Variants in ADGRA2 observed in about 807,000 individuals in gnomAD.
The protein encoded by ADGRA2 is G-protein coupled receptor 124.
Under a neutral mutation model 98.7 loss-of-function variants are expected in ADGRA2, and 61 were observed. The ratio of observed to expected loss-of-function variants is 0.62; its 90% CI spans 0.50 to 0.76. ADGRA2 has a LOEUF of 0.76. ADGRA2 is among the 30% of genes least tolerant of loss of function. The pLI, the probability that ADGRA2 is intolerant of heterozygous loss-of-function variation, is 0.00. For missense variants in ADGRA2, 1,712 were observed against 1,860.0 expected, an observed-to-expected ratio of 0.92 and a Z score of 1.46; for synonymous variants, 858 against 831.5, an observed-to-expected ratio of 1.03 and a Z score of -0.55.
At chr8:37,815,572 G>A (rs1370716671) in intron 2 of ADGRA2, among the ~76,000 whole-genome samples, 1 of 152,246 alleles carries the variant, frequency 6.6e-6, no homozygotes, top group Non-Finnish European at 1.5e-5. Flanking sequence ...TGGGGCCCCT[G>A]CATCTGGTGG....
At chr8:37,812,361 C>G (rs906064450) in intron 1 of ADGRA2, among the ~76,000 whole-genome samples, 2 of 152,112 alleles carry the variant, frequency 1.3e-5, no homozygotes, top group East Asian at 1.9e-4. Context: ...GGCGCGGTGG[C>G]TCACGCCTGT....
At chr8:37,838,657 A>T (rs189731967) in intron 14 of ADGRA2, among the ~76,000 whole-genome samples, 2 of 150,330 alleles carry the variant, frequency 1.3e-5, no homozygotes, top group African/African-American at 4.9e-5. Context: ...CCAGTCCTGC[A>T]GGCCTGCTGC....
At chr8:37,838,250 AT>A (rs11335728) in intron 14 of ADGRA2, among the ~76,000 whole-genome samples, 92,611 of 129,254 alleles carry the variant, frequency 0.72, 33,310 homozygotes, top group East Asian at 0.87. Context: ...CTGAGACCAG[AT>A]TTTTTTTTTT....
At chr8:37,838,771 G>A (rs1467683464) in intron 14 of ADGRA2, among the ~76,000 whole-genome samples, 185 bp from the exon 15 acceptor site, 1 of 152,134 alleles carries the variant, frequency 6.6e-6, no homozygotes, top group African/African-American at 2.4e-5. Flanking sequence ...GGAAGGGGCT[G>A]CAGTAGCTGG....
At chr8:37,824,230 C>T (rs1326926694) in intron 2 of ADGRA2, among the ~76,000 whole-genome samples, 1 of 151,932 alleles carries the variant, frequency 6.6e-6, no homozygotes, top group Admixed American at 6.6e-5. Flanking sequence ...TGGGTTTCAC[C>T]ATGTTAGTCA....
At chr8:37,833,655 C>A in intron 9 of ADGRA2, 33 bp from the exon 10 acceptor site, 2 of 1,609,554 alleles carry the variant, frequency 1.2e-6, no homozygotes, top group Non-Finnish European at 1.7e-6. Flanking sequence ...AAGGAACAGG[C>A]GAGATGATCC....
chr8:37,831,493 G>A lies in ADGRA2; in HGVS notation c.1003G>A (p.Gly335Ser). 1 of 1,613,874 alleles carries A rather than the reference G, an allele frequency of 6.2e-7. No individual in the cohort carries two copies. Among genetic ancestry groups the A allele is most frequent in the East Asian group, 2.2e-5 (1 of 44,880 alleles). Reference sequence around the variant, plus strand: ...GGAGTGCACCGTGTCCATGGCCCAAGGCAACGCCAGCAAGAAGGTGGAGAT... The same window carrying A: ...GGAGTGCACCGTGTCCATGGCCCAAAGCAACGCCAGCAAGAAGGTGGAGAT... ...EWECTVSMAQ[G>S]NASKKVEIVV... The change falls in exon 8 of 19, where the codon GGC becomes AGC. Residue 335 changes from glycine to serine, a missense_variant. By Grantham distance (56) the Gly-to-Ser change is moderately conservative. Transcript: ENST00000412232.
chr8:37,826,158 C>T (rs1805274541), intron 2 of ADGRA2, among the ~76,000 whole-genome samples: 2 of 152,198 alleles, frequency 1.3e-5, no homozygotes, highest in Non-Finnish European at 2.9e-5. Context: ...GCCTAAGCCC[C>T]TTGGCAGCCC....
chr8:37,828,888 G>C lies in ADGRA2; in HGVS notation c.339G>C (p.Leu113=), dbSNP rs1449093152. ...AGGGCCTCTGCACTTGCCTCTGCAG[G>C]GACCTGAGGAACAACATCATCAGCA... ...SFLGLSLLEK[L]DLRNNIISTV... The change falls in exon 3 of 19, where the codon CTG becomes CTC. Residue 113 remains leucine (L), a splice_region_variant and synonymous_variant. Transcript: ENST00000412232. 3.1e-6 allele frequency: 5 copies of C among 1,598,700 alleles called. No homozygotes were observed. Among genetic ancestry groups the C allele is most frequent in the Non-Finnish European group, 8.5e-7 (1 of 1,173,646 alleles).
chr8:37,842,007 C>T lies in ADGRA2; in HGVS notation c.3669C>T (p.His1223=), dbSNP rs1236535794. 2 of 1,518,524 alleles carry T rather than the reference C, an allele frequency of 1.3e-6. No individual in the cohort carries two copies. Among genetic ancestry groups the T allele is most frequent in the Admixed American group, 2.0e-5 (1 of 49,038 alleles). The allele number at this position is 1,518,524 out of a possible 1,614,324, so 94.1% of individuals were successfully genotyped here. ...TGTCCAGCGAGAGCGGCAGTCTGCA[C>T]AACAGCCCCACCGACAGCTACCTGG... ...ELLSSESGSL[H]NSPTDSYLGS... Residue 1223 remains histidine, a synonymous_variant, in exon 19 of 19, where the codon CAC becomes CAT. Coordinates refer to ENST00000412232, the MANE Select transcript of ADGRA2 (RefSeq NM_032777.10).
chr8:37,840,363 T>A, intron 17 of ADGRA2, 97 bp downstream of exon 17: 2 of 1,319,368 alleles, frequency 1.5e-6, no homozygotes, highest in Non-Finnish European at 1.1e-6. Flanking sequence ...CTAAGGTCCC[T>A]GGGAGATCAC....
Position 37,842,310 on chromosome 8 carries a change from C to T in ADGRA2, c.3972C>T (p.Gly1324=), listed in dbSNP as rs756983085. The change falls in exon 19 of 19, where the codon GGC becomes GGT. Residue 1324 remains glycine, a synonymous_variant. Transcript: ENST00000412232. Reference sequence around the variant, plus strand: ...TGATGGGCGCGGAGGTAGCCAGCGGCGGCTGCATGAAGACCGGACTCTGGA... The same window carrying T: ...TGATGGGCGCGGAGGTAGCCAGCGGTGGCTGCATGAAGACCGGACTCTGGA... The part of the protein sequence containing the change: ...VTLMGAEVAS[G]GCMKTGLWKS... 6.5e-7 allele frequency: 1 copy of T among 1,542,484 alleles called. No individual in the cohort carries two copies. Among genetic ancestry groups the T allele is most frequent in the South Asian group, 1.2e-5 (1 of 82,136 alleles).
Position 37,833,743 on chromosome 8 carries a change from C to T in ADGRA2, c.1352C>T (p.Thr451Ile). 1 of 1,614,188 alleles carries T rather than the reference C, an allele frequency of 6.2e-7. No homozygotes were observed. The highest frequency in any genetic ancestry group is 8.5e-7 in the Non-Finnish European group (1 of 1,179,988). The change falls in exon 10 of 19, where the codon ACA becomes ATA. Residue 451 changes from threonine (T) to isoleucine (I), a missense_variant. Coordinates refer to ENST00000412232, the MANE Select transcript of ADGRA2 (RefSeq NM_032777.10). Reference protein sequence around the residue: ...LTLAHQLRVYTAEAASFSDMM... With the variant: ...LTLAHQLRVYIAEAASFSDMM... ...CTGGCTCACCAGCTGCGCGTGTACA[C>T]AGCCGAGGCCGCTAGCTTTTCAGAC...
chr8:37,803,827 G>A (rs75811558), intron 1 of ADGRA2, among the ~76,000 whole-genome samples: 2,993 of 152,102 alleles, frequency 0.02, 100 homozygotes, highest in African/African-American at 0.069. Context: ...AGCGAGTCCT[G>A]GGGAGGGAGT....
At chr8:37,810,778 C>A (rs1319442017) in intron 1 of ADGRA2, among the ~76,000 whole-genome samples, 2 of 152,096 alleles carry the variant, frequency 1.3e-5, no homozygotes, top group Non-Finnish European at 2.9e-5. Context: ...GGATTGCAGG[C>A]ATGAGCCACT....
chr8:37,844,513 T>C lies in ADGRA2; in HGVS notation c.*2158T>C. The stretch of plus-strand genomic sequence containing the variant: ...CATCAGGGAGGGTTAGGGACACTCG[T>C]GGCAGCCTGTCTAGCAGCCTGGGCT... On this transcript the variant is annotated 3_prime_UTR_variant, in exon 19 of 19. Transcript: ENST00000412232. 6.2e-7 allele frequency: 1 copy of C among 1,613,386 alleles called. No homozygotes were observed. The highest frequency in any genetic ancestry group is 8.5e-7 in the Non-Finnish European group (1 of 1,180,006).
rs777808856 is a variant in ADGRA2 at position 37,837,779 on chromosome 8, G to A, written c.2099G>A (p.Arg700Gln). 15 of 1,551,926 alleles carry A rather than the reference G, an allele frequency of 9.7e-6. No homozygotes were observed. The South Asian group carries it at 1.1e-4, about 11-fold the overall frequency. The change falls in exon 14 of 19, where the codon CGG becomes CAG. Residue 700 changes from arginine (R) to glutamine (Q), a missense_variant. Arg to Gln is a conservative substitution (Grantham distance 43). Coordinates refer to ENST00000412232, the MANE Select transcript of ADGRA2 (RefSeq NM_032777.10). ...NLTEPVAVSL[R>Q]HWAEGAEPVA... ...ACAGAGCCAGTGGCCGTTTCGCTGC[G>A]GCACTGGGCTGAGGGAGCCGAACCT... is the stretch of plus-strand genomic sequence containing the variant.
chr8:37,839,610 G>C lies in ADGRA2; in HGVS notation c.2499G>C (p.Met833Ile), dbSNP rs1805730518. 1 of 1,614,034 alleles carries C rather than the reference G, an allele frequency of 6.2e-7. No homozygotes were observed. Among genetic ancestry groups the C allele is most frequent in the Admixed American group, 1.7e-5 (1 of 60,012 alleles). Residue 833 changes from methionine (M) to isoleucine (I), a missense_variant, in exon 16 of 19, where the codon ATG becomes ATC. Coordinates refer to ENST00000412232, the MANE Select transcript of ADGRA2 (RefSeq NM_032777.10). ...GCATCACACTCACCAACTACCAGAT[G>C]GTCTGCCAGGCGGTAAGCAGGAGAA... Reference protein sequence around the residue: ...AGGITLTNYQMVCQAVGITLH... With the variant: ...AGGITLTNYQIVCQAVGITLH...
Position 37,842,424 on chromosome 8 carries a change from A to G in ADGRA2, c.*69A>G. The stretch of plus-strand genomic sequence containing the variant: ...TTCCCCCGCTCCTCGGGGCCCTCCA[A>G]GGTGTCTCCGTAGTCAGCAGGTTGG... On this transcript the variant is annotated 3_prime_UTR_variant, in exon 19 of 19. Coordinates refer to ENST00000412232, the MANE Select transcript of ADGRA2 (RefSeq NM_032777.10). 2 of 1,405,992 alleles carry G rather than the reference A, an allele frequency of 1.4e-6. No individual in the cohort carries two copies. Among genetic ancestry groups the G allele is most frequent in the Non-Finnish European group, 1.9e-6 (2 of 1,080,728 alleles). The allele number at this position is 1,405,992 out of a possible 1,614,324, so 87.1% of individuals were successfully genotyped here.
Sources: gnomAD v4.1 joint callset for allele counts (sites outside exome capture counted in the v4.1 genomes callset) on GRCh38, gnomAD v4.1.1 for gene constraint, MANE v1.5 for transcripts, NCBI Gene and HGNC (gene_info 2026-07-23, HGNC 2026-07-21) for gene names.